ANKRD42: variants seen among roughly 807,000 people sequenced by gnomAD.
ANKRD42 encodes ankyrin repeat domain 42, also known as ankyrin repeat domain-containing protein 42.
Under a neutral mutation model 51.5 loss-of-function variants are expected in ANKRD42, and 43 were observed. That is an observed-to-expected ratio of 0.83 (90% CI 0.65 to 1.08). The LOEUF (loss-of-function observed/expected upper bound fraction) is 1.08. Among genes scored for constraint, ANKRD42 ranks in the 50% least tolerant of loss-of-function variants. The pLI is 0.00. For synonymous variants in ANKRD42, 203 were observed against 213.0 expected (o/e 0.95, Z 0.41); for missense variants, 608 against 629.3 (o/e 0.97, Z 0.36).
intron 1 of ANKRD42, among the ~76,000 whole-genome samples, chr11:83,196,808 A>G (rs1861675753): frequency 6.6e-6 from 1 of 152,246 alleles, no homozygotes; most frequent in Non-Finnish European, 1.5e-5. Context: ...AAAAAAGACC[A>G]TAAAATTAGA....
At chr11:83,205,922 C>A in intron 2 of ANKRD42, 136 bp from the exon 3 acceptor site, 1 of 677,230 alleles carries the variant, frequency 1.5e-6, no homozygotes, top group Non-Finnish European at 2.5e-6. Flanking sequence ...TGTCACTGTG[C>A]TTGTGCTTTT....
In ANKRD42 at chr11:83,226,706, C is replaced by T. The variant is rs180978795; in HGVS notation, c.788-1041C>T. ...GTGCATCCCTGTAATCCTAGCTACC[C>T]GGGAGGCTGAGGTGGGAGGATTGCT... is the stretch of plus-strand genomic sequence containing the variant. On this transcript the variant is annotated intron_variant, in intron 6 of 10. Coordinates refer to ENST00000533342, the MANE Select transcript of ANKRD42 (RefSeq NM_001300975.2). Among the ~76,000 whole-genome samples the T allele has an allele frequency of 8.5e-5, 13 of 152,066 alleles. No individual in the cohort carries two copies. The South Asian group carries it at 2.5e-3, about 29-fold the overall frequency.
At chr11:83,250,348 C>G (rs1369358567), downstream of ANKRD42, among the ~76,000 whole-genome samples, 2 of 152,116 alleles carry the variant, frequency 1.3e-5, no homozygotes, top group African/African-American at 2.4e-5. Flanking sequence ...TTGATAACAG[C>G]TGTTTTTATA....
chr11:83,264,223 G>C (rs989227584), downstream of ANKRD42, among the ~76,000 whole-genome samples: 1 of 152,050 alleles, frequency 6.6e-6, no homozygotes, highest in Non-Finnish European at 1.5e-5. Context: ...CATAAATTGT[G>C]GCATTTTCAT....
At chr11:83,204,558 A>G (rs1037864157) in intron 2 of ANKRD42, among the ~76,000 whole-genome samples, 7 of 152,158 alleles carry the variant, frequency 4.6e-5, no homozygotes, top group African/African-American at 1.7e-4. Flanking sequence ...TGGGTTCAAT[A>G]GAAGCCCAAA....
chr11:83,256,999 C>G (rs1293618691), downstream of ANKRD42, among the ~76,000 whole-genome samples: 1 of 152,114 alleles, frequency 6.6e-6, no homozygotes, highest in Non-Finnish European at 1.5e-5. Flanking sequence ...AGATCTTATA[C>G]AAAGTGCCCA....
In ANKRD42 at chr11:83,210,375, C is replaced by T; in HGVS notation, c.406C>T (p.His136Tyr). Reference protein sequence around the residue: ...GCTPLHLAATHGHSFTLQIML... With the variant: ...GCTPLHLAATYGHSFTLQIML... Reference sequence around the variant, plus strand: ...CACTCCTTTACATCTTGCTGCAACTCATGGACATTCTTTCACTTTACAAAT... The same window carrying T: ...CACTCCTTTACATCTTGCTGCAACTTATGGACATTCTTTCACTTTACAAAT... The change falls in exon 4 of 11, where the codon CAT (histidine) becomes TAT (tyrosine). Residue 136 changes from histidine (H) to tyrosine (Y), a missense_variant. His to Tyr is a moderately conservative substitution (Grantham distance 83, BLOSUM62 2). Coordinates refer to ENST00000533342, the MANE Select transcript of ANKRD42 (RefSeq NM_001300975.2). 3 of 1,614,078 alleles carry T rather than the reference C, an allele frequency of 1.9e-6. No homozygotes were observed. The highest frequency in any genetic ancestry group is 2.5e-6 in the Non-Finnish European group (3 of 1,179,952).
At chr11:83,259,299 C>G (rs2135572548), downstream of ANKRD42, 1 of 152,200 alleles carries the variant, frequency 6.6e-6, no homozygotes, top group South Asian at 2.1e-4. Context: ...ATTTCCATCA[C>G]TGAAACAAAA....
intron 9 of ANKRD42, among the ~76,000 whole-genome samples, chr11:83,243,316 GGTACTTA>G (rs1330860820): frequency 1.3e-5 from 2 of 152,036 alleles, no homozygotes; most frequent in Non-Finnish European, 1.5e-5. Flanking sequence ...AAATGTGTAA[GGTACTTA>G]GTGTAGTGTC....
intron 2 of ANKRD42, among the ~76,000 whole-genome samples, 185 bp downstream of exon 2, chr11:83,198,827 A>G (rs1451112280): frequency 1.3e-5 from 2 of 152,238 alleles, no homozygotes; most frequent in African/African-American, 4.8e-5. Flanking sequence ...AAAATTTAGC[A>G]TAATAAACTA....
chr11:83,262,318 C>T (rs141907058), downstream of ANKRD42, among the ~76,000 whole-genome samples: 46 of 152,068 alleles, frequency 3.0e-4, no homozygotes, highest in African/African-American at 9.6e-4. Flanking sequence ...TAAAAAATTA[C>T]GTAGTTAGGC....
At chr11:83,240,046 T>G (rs1274276510) in intron 8 of ANKRD42, among the ~76,000 whole-genome samples, 1 of 152,200 alleles carries the variant, frequency 6.6e-6, no homozygotes, top group Non-Finnish European at 1.5e-5. Context: ...TATGTAAGTA[T>G]GAGAAAATAG....
chr11:83,236,834 A>C (rs1477356719), intron 8 of ANKRD42, among the ~76,000 whole-genome samples: 3 of 152,228 alleles, frequency 2.0e-5, no homozygotes, highest in African/African-American at 4.8e-5. Flanking sequence ...TGCAGTGCTC[A>C]GAACAGTAAT....
intron 5 of ANKRD42, among the ~76,000 whole-genome samples, chr11:83,211,695 A>G (rs1044598563): frequency 1.3e-5 from 2 of 151,914 alleles, no homozygotes; most frequent in Non-Finnish European, 2.9e-5. Flanking sequence ...CCTGTAGTCT[A>G]ACTTTTTGGG....
downstream of ANKRD42, among the ~76,000 whole-genome samples, chr11:83,253,911 A>G (rs1863716992): frequency 6.6e-6 from 1 of 152,108 alleles, no homozygotes; most frequent in South Asian, 2.1e-4. Context: ...GGGACTTTGG[A>G]AAATTTGGAA....
At chr11:83,210,555 C>A in intron 4 of ANKRD42, 136 bp downstream of exon 4, 1 of 1,093,304 alleles carries the variant, frequency 9.1e-7, no homozygotes, top group Non-Finnish European at 1.3e-6. Flanking sequence ...TTCTCTCTAG[C>A]TTTTCTATCT....
chr11:83,224,220 G>A (rs946246778), intron 5 of ANKRD42, among the ~76,000 whole-genome samples: 4 of 152,080 alleles, frequency 2.6e-5, no homozygotes, highest in Non-Finnish European at 5.9e-5. Flanking sequence ...CAAATGCATA[G>A]TGATAAAATA....
At chr11:83,240,963 T>A in intron 9 of ANKRD42, 29 bp downstream of exon 9, 1 of 1,579,572 alleles carries the variant, frequency 6.3e-7, no homozygotes, top group Non-Finnish European at 8.6e-7. Context: ...TTGTGATTTA[T>A]CCTTTCAGAA....
At chr11:83,260,413 T>C (rs1863875643), downstream of ANKRD42, 1 of 152,180 alleles carries the variant, frequency 6.6e-6, no homozygotes, top group African/African-American at 2.4e-5. Context: ...AAAATTAATC[T>C]ATAATATACT....
Sources: gnomAD v4.1 joint callset for allele counts (sites outside exome capture counted in the v4.1 genomes callset) on GRCh38, gnomAD v4.1.1 for gene constraint, MANE v1.5 for transcripts, NCBI Gene and HGNC (gene_info 2026-07-23, HGNC 2026-07-21) for gene names.